The following ST6GALNAC2 variants were observed in gnomAD, a reference collection of about 807,000 sequenced individuals.
ST6GALNAC2 encodes the protein ST6 N-acetylgalactosaminide alpha-2,6-sialyltransferase 2, also known as alpha-N-acetylgalactosaminide alpha-2,6-sialyltransferase 2.
In ST6GALNAC2, 42 loss-of-function variants were observed where a neutral mutation model predicts 38.7. The ratio of observed to expected loss-of-function variants is 1.09; its 90% CI spans 0.85 to 1.40. The LOEUF (loss-of-function observed/expected upper bound fraction) is 1.40, where lower values mean the gene tolerates loss of function less well. Among genes scored for constraint, ST6GALNAC2 ranks in the 40% most tolerant of loss-of-function variants. ST6GALNAC2 has a pLI of 0.00. For synonymous variants in ST6GALNAC2, 233 were observed against 209.0 expected (o/e 1.11, Z -0.99); for missense variants, 506 against 481.7 (o/e 1.05, Z -0.47).
chr17:76,577,562 T>C (rs989316052), intron 2 of ST6GALNAC2, among the ~76,000 whole-genome samples: 3 of 151,008 alleles, frequency 2.0e-5, no homozygotes, highest in Non-Finnish European at 4.4e-5. Context: ...CAAGTGCCCA[T>C]TGGCCTCTGT....
chr17:76,574,008 C>T (rs2075384499), intron 3 of ST6GALNAC2, among the ~76,000 whole-genome samples: 1 of 152,052 alleles, frequency 6.6e-6, no homozygotes, highest in South Asian at 2.1e-4. Flanking sequence ...GTAGAGGGGG[C>T]TCTGGGCCTG....
Position 76,570,576 on chromosome 17 carries a change from A to G in ST6GALNAC2, c.762T>C (p.Asp254=). ...GCCTGGCTGCTCACCTGTCCCCTTTATCTAGGCCCTCAGGGACAGGCACGC... is the reference window on the plus strand; with the variant it reads ...GCCTGGCTGCTCACCTGTCCCCTTTGTCTAGGCCCTCAGGGACAGGCACGC... ...ILGVPVPEGL[D]KGDRPHAYFG... Residue 254 remains aspartate (D), a synonymous_variant, in exon 6 of 9, where the codon GAT becomes GAC. Transcript: ENST00000225276. 6.2e-7 allele frequency: 1 copy of G among 1,610,904 alleles called. No individual in the cohort carries two copies. The highest frequency in any genetic ancestry group is 8.5e-7 in the Non-Finnish European group (1 of 1,178,486).
chr17:76,566,262 A>C lies in ST6GALNAC2; in HGVS notation c.967T>G (p.Tyr323Asp), dbSNP rs369082805. The C allele has an allele frequency of 1.7e-4, 282 of 1,614,010 alleles. No homozygotes were observed. Among genetic ancestry groups the C allele is most frequent in the Non-Finnish European group, 2.3e-4 (277 of 1,180,022 alleles). Reference protein sequence around the residue: ...ALHTCDQVSAYGFITSNYWKF... With the variant: ...ALHTCDQVSADGFITSNYWKF... ...CAGTAGTTGCTTGTGATGAATCCAT[A>C]GGCACTGACCTGGGCAAGGATAGTC... The change falls in exon 9 of 9, where the codon TAT becomes GAT. Residue 323 changes from tyrosine to aspartate, a missense_variant. Physicochemically the swap from Tyr to Asp is radical, Grantham distance 160. Coordinates refer to ENST00000225276, the MANE Select transcript of ST6GALNAC2 (RefSeq NM_006456.3).
intron 4 of ST6GALNAC2, 87 bp from the exon 5 acceptor site, chr17:76,572,862 C>A (rs2143300235): frequency 1.3e-6 from 2 of 1,524,136 alleles, no homozygotes; most frequent in South Asian, 1.1e-5. Flanking sequence ...CTGGCCTATC[C>A]CCCTGCCTCT....
At chr17:76,580,715 A>G (rs1031183739) in intron 1 of ST6GALNAC2, among the ~76,000 whole-genome samples, 4 of 74,694 alleles carry the variant, frequency 5.4e-5, no homozygotes, top group Non-Finnish European at 9.7e-5. Context: ...GTGAGACTCC[A>G]TCTCAAAAAA....
chr17:76,573,069 G>A lies in ST6GALNAC2; in HGVS notation c.530+126C>T, dbSNP rs2075371176. 5.6e-6 allele frequency: 6 copies of A among 1,079,286 alleles called. No individual in the cohort carries two copies. Among genetic ancestry groups the A allele is most frequent in the East Asian group, 2.6e-5 (1 of 38,944 alleles). The allele number at this position is 1,079,286 out of a possible 1,614,324, so 66.9% of individuals were successfully genotyped here. Reference sequence around the variant, plus strand: ...GTTTGTTTTTGCCTTGTCCATGCCCGTGTGCTGGTCACAACTGCTGAGCCG... The same window carrying A: ...GTTTGTTTTTGCCTTGTCCATGCCCATGTGCTGGTCACAACTGCTGAGCCG... On this transcript the variant is annotated intron_variant, in intron 4 of 8. Coordinates refer to ENST00000225276, the MANE Select transcript of ST6GALNAC2 (RefSeq NM_006456.3). The surrounding 1 kb of genome is among the most constrained non-coding windows in gnomAD (Gnocchi z 5.1).
At chr17:76,575,803 G>A (rs540111178) in intron 2 of ST6GALNAC2, among the ~76,000 whole-genome samples, 1 of 152,308 alleles carries the variant, frequency 6.6e-6, no homozygotes, top group East Asian at 1.9e-4. Flanking sequence ...GGCCTGGGTG[G>A]GCCTTCTATT....
At chr17:76,579,918 G>A (rs2075457391) in intron 1 of ST6GALNAC2, among the ~76,000 whole-genome samples, 1 of 152,194 alleles carries the variant, frequency 6.6e-6, no homozygotes, top group Non-Finnish European at 1.5e-5. Context: ...TTCTGTGATA[G>A]CAGCACAAAA....
rs2143313284 is a variant in ST6GALNAC2, at chr17:76,578,780, C to T, written c.162G>A (p.Lys54=). The change falls in exon 2 of 9, where the codon AAG becomes AAA. Residue 54 remains lysine, a synonymous_variant. Transcript: ENST00000225276. ...TTSFEAFFQS[K]ASNSWTGKGQ... is the part of the protein sequence containing the mutation. The stretch of plus-strand genomic sequence containing the variant: ...CCTTTCCTGTCCAAGAATTCGATGC[C>T]TTGGATTGAAAGAATGCTTCAAATG... The T allele has an allele frequency of 6.2e-7, 1 of 1,613,506 alleles. No individual in the cohort carries two copies. The highest frequency in any genetic ancestry group is 2.2e-5 in the East Asian group (1 of 44,824).
chr17:76,581,820 A>G (rs2075478868), intron 1 of ST6GALNAC2, among the ~76,000 whole-genome samples: 1 of 152,086 alleles, frequency 6.6e-6, no homozygotes, highest in Non-Finnish European at 1.5e-5. Context: ...TGCGTTTTTC[A>G]GAAAGCTAAT....
rs2075299479 is a variant in ST6GALNAC2 at position 76,567,523 on chromosome 17, T to C, written c.887A>G (p.His296Arg). ...RFLKSKLINTHFGDLYMPSTG... is the reference protein window; with the variant it reads ...RFLKSKLINTRFGDLYMPSTG... ...ACTAGGCATATATAGGTCTCCAAAA[T>C]GTGTGTTAATCAACTTTGATTTCAA... is the stretch of plus-strand genomic sequence containing the variant. The change falls in exon 8 of 9, where the codon CAT (histidine) becomes CGT (arginine). Residue 296 changes from histidine to arginine, a missense_variant. Coordinates refer to ENST00000225276, the MANE Select transcript of ST6GALNAC2 (RefSeq NM_006456.3). The C allele has an allele frequency of 6.2e-7, 1 of 1,613,862 alleles. No homozygotes were observed. The highest frequency in any genetic ancestry group is 1.3e-5 in the African/African-American group (1 of 75,022).
intron 3 of ST6GALNAC2, 63 bp downstream of exon 3, chr17:76,574,302 C>G: frequency 6.4e-7 from 1 of 1,566,800 alleles, no homozygotes; most frequent in Non-Finnish European, 8.7e-7. Context: ...GCCTGGCCTA[C>G]TTCAGGGCAA....
At chr17:76,570,862 G>A (rs2075345805) in intron 5 of ST6GALNAC2, 194 bp from the exon 6 acceptor site, 3 of 567,204 alleles carry the variant, frequency 5.3e-6, no homozygotes, top group Middle Eastern at 9.5e-4. Context: ...TTCAGGAGGT[G>A]GCACCCAATT....
At chr17:76,579,213 C>T (rs888053539) in intron 1 of ST6GALNAC2, among the ~76,000 whole-genome samples, 2 of 152,222 alleles carry the variant, frequency 1.3e-5, no homozygotes, top group Non-Finnish European at 1.5e-5. Flanking sequence ...GCCACTGCGC[C>T]CAGCTCTGTG....
In ST6GALNAC2 at chr17:76,566,247, T is replaced by C. The variant is rs1307887208; in HGVS notation, c.982A>G (p.Ser328Gly). The change falls in exon 9 of 9, where the codon AGC (serine) becomes GGC (glycine). Residue 328 changes from serine to glycine, a missense_variant. Transcript: ENST00000225276. ...DQVSAYGFIT[S>G]NYWKFSDHYF... Reference sequence around the variant, plus strand: ...TGGTCGGAAAATTTCCAGTAGTTGCTTGTGATGAATCCATAGGCACTGACC... The same window carrying C: ...TGGTCGGAAAATTTCCAGTAGTTGCCTGTGATGAATCCATAGGCACTGACC... 2 of 1,614,038 alleles carry C rather than the reference T, an allele frequency of 1.2e-6. No individual in the cohort carries two copies. The highest frequency in any genetic ancestry group is 1.3e-5 in the African/African-American group (1 of 74,924).
In ST6GALNAC2 at chr17:76,585,832, C is replaced by G. The variant is rs3135934; in HGVS notation, c.-24G>C. 771,265 of 1,518,886 alleles carry G rather than the reference C, an allele frequency of 0.51. 203,350 individuals carry two copies. The highest frequency in any genetic ancestry group is 0.6 in the Admixed American group (28,967 of 48,656). 94.1% of individuals were successfully genotyped at this position (1,518,886 alleles called of 1,614,324 possible). A position where few individuals can be genotyped will look rare whatever the true frequency, so the allele number is the denominator to read the frequency against. On this transcript the variant is annotated 5_prime_UTR_variant, in exon 1 of 9. Transcript: ENST00000225276. ...ATACAGCCCCGGCCCGCGAGCGCCC[C>G]GTCCGCTGACGTCCCAGGCAGAAGG... is the stretch of plus-strand genomic sequence containing the variant.
chr17:76,567,476 TCAG>T lies in ST6GALNAC2; in HGVS notation c.931_933del (p.Leu311del). On this transcript the variant is annotated inframe_deletion, in exon 8 of 9. Transcript: ENST00000225276. ...ACCTGGTCACAGGTATGCAAAGCTG[TCAG>T]CAGCATGAGAGCCCCGGTACTAGGC... 2 of 1,613,916 alleles carry T rather than the reference TCAG, an allele frequency of 1.2e-6. No individual in the cohort carries two copies. Among genetic ancestry groups the T allele is most frequent in the Non-Finnish European group, 1.7e-6 (2 of 1,179,906 alleles).
rs2075281395 is a variant in ST6GALNAC2, at chr17:76,566,279, A to ACCTG, written c.958-9_958-8insCAGG. 4 of 1,613,866 alleles carry ACCTG rather than the reference A, an allele frequency of 2.5e-6. No homozygotes were observed. The highest frequency in any genetic ancestry group is 1.7e-5 in the Admixed American group (1 of 59,990). ...GAATCCATAGGCACTGACCTGGGCA[A>ACCTG]GGATAGTCGCTGGATTAGTATTTGT... On this transcript the variant is annotated splice_polypyrimidine_tract_variant and intron_variant, in intron 8 of 8. Transcript: ENST00000225276.
intron 5 of ST6GALNAC2, 66 bp from the exon 6 acceptor site, chr17:76,570,734 G>C (rs1567928242): frequency 7.9e-7 from 1 of 1,271,828 alleles, no homozygotes; most frequent in Non-Finnish European, 1.1e-6. Context: ...AGTGTGGACA[G>C]CCCTCCACCC....
Sources: allele counts gnomAD v4.1 joint callset (sites outside exome capture counted in the v4.1 genomes callset), GRCh38; gene constraint gnomAD v4.1.1; non-coding constraint Gnocchi (gnomAD v3.1); transcripts MANE v1.5; gene names NCBI Gene and HGNC (gene_info 2026-07-23, HGNC 2026-07-21).